The following ARHGAP1 variants were observed in gnomAD, a reference collection of about 807,000 sequenced individuals.
ARHGAP1 encodes rho GTPase-activating protein 1.
ARHGAP1 carries 23 observed loss-of-function variants against 52.2 expected under a neutral mutation model. The ratio of observed to expected loss-of-function variants is 0.44; its 90% CI spans 0.32 to 0.62. ARHGAP1 has a LOEUF of 0.62. Ranked by LOEUF, ARHGAP1 falls within the 20% of genes least tolerant of loss-of-function variation. The pLI, the probability that ARHGAP1 is intolerant of heterozygous loss-of-function variation, is 0.05. For synonymous variants in ARHGAP1, 210 were observed against 228.4 expected (o/e 0.92, Z 0.73); for missense variants, 480 against 560.9 (o/e 0.86, Z 1.46).
Position 46,688,234 on chromosome 11 carries a change from T to G in ARHGAP1, c.256A>C (p.Ile86Leu), listed in dbSNP as rs779690962. ...AGDDKYGRKI[I>L]VFSACRMPPS... ...GGCATTCGACAGGCACTAAACACAA[T>G]GATCTTCCGCCCATACTTGTCATCT... Residue 86 changes from isoleucine to leucine, a missense_variant, in exon 4 of 13, where the codon ATT becomes CTT. Transcript: ENST00000311956. 2.5e-6 allele frequency: 4 copies of G among 1,613,874 alleles called. No individual in the cohort carries two copies. Among genetic ancestry groups the G allele is most frequent in the Non-Finnish European group, 3.4e-6 (4 of 1,179,970 alleles).
rs572402776 is a variant in ARHGAP1, at chr11:46,681,990, C to T, written c.449+61G>A. ...GCTCCTGCCCAAGTGGAGGGCAGCC[C>T]GGAAGCTGGCAGAGCCGCTGCCTCT... On this transcript the variant is annotated intron_variant, in intron 5 of 12. Transcript: ENST00000311956. This position sits in a 1 kb window ranked among gnomAD's most constrained non-coding sequence, Gnocchi z 5.7. The T allele has an allele frequency of 3.3e-4, 526 of 1,604,668 alleles. No individual in the cohort carries two copies. The highest frequency in any genetic ancestry group is 4.1e-4 in the Non-Finnish European group (478 of 1,174,956).
chr11:46,685,151 T>C (rs1339003979), intron 4 of ARHGAP1, among the ~76,000 whole-genome samples: 1 of 133,266 alleles, frequency 7.5e-6, no homozygotes, highest in African/African-American at 2.8e-5. Context: ...ACAGAAAAAA[T>C]AGGAAATGAC....
In ARHGAP1 at chr11:46,679,816, G is replaced by A. The variant is rs1203712310; in HGVS notation, c.899-40C>T. The A allele has an allele frequency of 6.2e-7, 1 of 1,610,806 alleles. No homozygotes were observed. Among genetic ancestry groups the A allele is most frequent in the Admixed American group, 1.7e-5 (1 of 59,998 alleles). On this transcript the variant is annotated intron_variant, in intron 10 of 12. Coordinates refer to ENST00000311956, the MANE Select transcript of ARHGAP1 (RefSeq NM_004308.5). The surrounding 1 kb of genome is among the most constrained non-coding windows in gnomAD (Gnocchi z 4.4). Reference sequence around the variant, plus strand: ...GCGTGAGAGAAGCTCGGCACAGCCTGAAGGGCAGCACCCATCTGCAGACAA... The same window carrying A: ...GCGTGAGAGAAGCTCGGCACAGCCTAAAGGGCAGCACCCATCTGCAGACAA...
intron 4 of ARHGAP1, among the ~76,000 whole-genome samples, chr11:46,684,345 A>G (rs2064552082): frequency 6.6e-6 from 1 of 152,232 alleles, no homozygotes; most frequent in South Asian, 2.1e-4. Context: ...AAATAAAGTG[A>G]TGTTTATCAG....
chr11:46,688,296 A>AG, intron 3 of ARHGAP1, 36 bp from the exon 4 acceptor site: 1 of 1,587,482 alleles, frequency 6.3e-7, no homozygotes, highest in Non-Finnish European at 8.6e-7. Flanking sequence ...AGTGGGTTGA[A>AG]GGGGAACCAA....
chr11:46,688,095 G>A, intron 4 of ARHGAP1, 78 bp downstream of exon 4: 3 of 1,418,084 alleles, frequency 2.1e-6, no homozygotes, highest in Non-Finnish European at 2.9e-6. Flanking sequence ...CAGGCAGGGA[G>A]GGACAGTAAA....
At chr11:46,700,004 T>C (rs2064689107) in intron 1 of ARHGAP1, among the ~76,000 whole-genome samples, 1 of 151,788 alleles carries the variant, frequency 6.6e-6, no homozygotes, top group Non-Finnish European at 1.5e-5. Flanking sequence ...ACCCTGTCTC[T>C]ACTAAAAATA....
rs375008964 is a variant in ARHGAP1 at position 46,679,475 on chromosome 11, G to C, written c.1028-7C>G. On this transcript the variant is annotated splice_region_variant and splice_polypyrimidine_tract_variant and intron_variant, in intron 11 of 12. Coordinates refer to ENST00000311956, the MANE Select transcript of ARHGAP1 (RefSeq NM_004308.5). This position sits in a 1 kb window ranked among gnomAD's most constrained non-coding sequence, Gnocchi z 4.4. Reference sequence around the variant, plus strand: ...CTCTGGCTTTCATCAATGTCTATGAGGAAAGGAGGCCCGGGTTATAGGGGC... The same window carrying C: ...CTCTGGCTTTCATCAATGTCTATGACGAAAGGAGGCCCGGGTTATAGGGGC... 9 of 1,613,192 alleles carry C rather than the reference G, an allele frequency of 5.6e-6. No individual in the cohort carries two copies. The highest frequency in any genetic ancestry group is 7.6e-6 in the Non-Finnish European group (9 of 1,179,264).
At chr11:46,688,113 G>T in intron 4 of ARHGAP1, 60 bp downstream of exon 4, 1 of 1,519,788 alleles carries the variant, frequency 6.6e-7, no homozygotes, top group Non-Finnish European at 9.0e-7. Context: ...AAAGAACGTG[G>T]CATTAGGCTA....
chr11:46,692,763 C>T (rs2064623365), intron 3 of ARHGAP1, among the ~76,000 whole-genome samples: 1 of 152,164 alleles, frequency 6.6e-6, no homozygotes, highest in Admixed American at 6.6e-5. Context: ...TCTCAGCTCA[C>T]TGCAACCTCT....
At chr11:46,697,218 C>T (rs2064663085) in intron 1 of ARHGAP1, 1 of 152,368 alleles carries the variant, frequency 6.6e-6, no homozygotes, top group Non-Finnish European at 1.5e-5. Context: ...GGAATCTGGC[C>T]AGAAGGCTGC....
intron 3 of ARHGAP1, among the ~76,000 whole-genome samples, chr11:46,688,486 AT>A (rs201194673): frequency 1.3e-5 from 2 of 150,292 alleles, no homozygotes; most frequent in South Asian, 2.1e-4. Context: ...AAAAAAAGTG[AT>A]TTTTTTTTCT....
chr11:46,687,916 T>C (rs1471371300), intron 4 of ARHGAP1: 1 of 478,596 alleles, frequency 2.1e-6, no homozygotes, highest in Non-Finnish European at 3.7e-6. Context: ...CCTATATTAT[T>C]ATCCCTTTTG....
At position 46,677,662 on chromosome 11, in the gene ARHGAP1, A is replaced by C; in HGVS notation, c.*1375T>G. Reference sequence around the variant, plus strand: ...TGGGGCCGAGGTTCTTTGAAAGACAACAGGGCTGGCCGGGTGCAGTGGCTC... The same window carrying C: ...TGGGGCCGAGGTTCTTTGAAAGACACCAGGGCTGGCCGGGTGCAGTGGCTC... On this transcript the variant is annotated 3_prime_UTR_variant, in exon 13 of 13. Coordinates refer to ENST00000311956, the MANE Select transcript of ARHGAP1 (RefSeq NM_004308.5). The C allele has an allele frequency of 4.1e-6, 1 of 244,872 alleles. No individual in the cohort carries two copies. Among genetic ancestry groups the C allele is most frequent in the Non-Finnish European group, 8.2e-6 (1 of 122,292 alleles). 15.2% of individuals were successfully genotyped at this position (244,872 alleles called of 1,614,324 possible). A position where few individuals can be genotyped will look rare whatever the true frequency, so the allele number is the denominator to read the frequency against.
At position 46,677,191 on chromosome 11, in the gene ARHGAP1, G is replaced by T. The variant is rs1469292312; in HGVS notation, c.*1846C>A. On this transcript the variant is annotated 3_prime_UTR_variant, in exon 13 of 13. Coordinates refer to ENST00000311956, the MANE Select transcript of ARHGAP1 (RefSeq NM_004308.5). ...TGAACACTGGATTCACACAGTACAA[G>T]CACCCGCTCCCTGGGGTACAGACCA... The T allele has an allele frequency of 6.6e-6, 1 of 152,638 alleles. No homozygotes were observed. The highest frequency in any genetic ancestry group is 2.4e-5 in the African/African-American group (1 of 41,472). The allele number at this position is 152,638 out of a possible 1,614,324, so 9.5% of individuals were successfully genotyped here.
rs1163697567 is a variant in ARHGAP1 at position 46,677,973 on chromosome 11, C to T, written c.*1064G>A. 1 of 436,556 alleles carries T rather than the reference C, an allele frequency of 2.3e-6. No individual in the cohort carries two copies. Among genetic ancestry groups the T allele is most frequent in the Non-Finnish European group, 4.5e-6 (1 of 221,100 alleles). The allele number at this position is 436,556 out of a possible 1,614,324, so 27.0% of individuals were successfully genotyped here. A position where few individuals can be genotyped will look rare whatever the true frequency, so the allele number is the denominator to read the frequency against. ...AAAAAAAAAAAAGGTGGCCCTAGAG[C>T]CCCTTAATCCCCTGGGGAAATTGCT... is the stretch of plus-strand genomic sequence containing the variant. On this transcript the variant is annotated 3_prime_UTR_variant, in exon 13 of 13. Transcript: ENST00000311956.
Position 46,680,907 on chromosome 11 carries a change from G to T in ARHGAP1, c.635+104C>A. The T allele has an allele frequency of 1.7e-6, 2 of 1,176,474 alleles. No individual in the cohort carries two copies. Among genetic ancestry groups the T allele is most frequent in the Non-Finnish European group, 2.5e-6 (2 of 813,374 alleles). The allele number at this position is 1,176,474 out of a possible 1,614,324, so 72.9% of individuals were successfully genotyped here. A position where few individuals can be genotyped will look rare whatever the true frequency, so the allele number is the denominator to read the frequency against. ...AGAAAGCAAAGACCTGGGAGAGGTC[G>T]GGACACGGGCTTGCTCTGCCTAAGC... On this transcript the variant is annotated intron_variant, in intron 7 of 12. Coordinates refer to ENST00000311956, the MANE Select transcript of ARHGAP1 (RefSeq NM_004308.5). The surrounding 1 kb of genome is among the most constrained non-coding windows in gnomAD (Gnocchi z 5.9).
rs1471767125 is a variant in ARHGAP1 at position 46,679,878 on chromosome 11, A to C, written c.899-102T>G. 1.3e-6 allele frequency: 2 copies of C among 1,541,110 alleles called. No individual in the cohort carries two copies. Among genetic ancestry groups the C allele is most frequent in the East Asian group, 4.6e-5 (2 of 43,954 alleles). On this transcript the variant is annotated intron_variant, in intron 10 of 12. Coordinates refer to ENST00000311956, the MANE Select transcript of ARHGAP1 (RefSeq NM_004308.5). The surrounding 1 kb of genome is among the most constrained non-coding windows in gnomAD (Gnocchi z 4.4). ...CTGCCTGACTGCCCCTGGACACTGCATAAGCCCCTCCTCCCAGGGGCGCCC... is the reference window on the plus strand; with the variant it reads ...CTGCCTGACTGCCCCTGGACACTGCCTAAGCCCCTCCTCCCAGGGGCGCCC...
In ARHGAP1 at chr11:46,677,207, G is replaced by T. The variant is rs1421838866; in HGVS notation, c.*1830C>A. 6.6e-6 allele frequency: 1 copy of T among 152,582 alleles called. No homozygotes were observed. The highest frequency in any genetic ancestry group is 1.5e-5 in the Non-Finnish European group (1 of 68,082). The allele number at this position is 152,582 out of a possible 1,614,324, so 9.5% of individuals were successfully genotyped here. A position where few individuals can be genotyped will look rare whatever the true frequency, so the allele number is the denominator to read the frequency against. ...ACAGTACAAGCACCCGCTCCCTGGG[G>T]TACAGACCAGTGGGGGACATGAGAA... On this transcript the variant is annotated 3_prime_UTR_variant, in exon 13 of 13. Coordinates refer to ENST00000311956, the MANE Select transcript of ARHGAP1 (RefSeq NM_004308.5).
Sources: gnomAD v4.1 joint callset for allele counts (sites outside exome capture counted in the v4.1 genomes callset) on GRCh38, gnomAD v4.1.1 for gene constraint, Gnocchi (gnomAD v3.1) non-coding constraint, MANE v1.5 for transcripts, NCBI Gene and HGNC (gene_info 2026-07-23, HGNC 2026-07-21) for gene names.